GALNT1: variants seen among roughly 807,000 people sequenced by gnomAD.
GALNT1 encodes polypeptide N-acetylgalactosaminyltransferase 1, also known as GalNAc transferase 1.
In GALNT1, 17 loss-of-function variants were observed where a neutral mutation model predicts 65.7. That is an observed-to-expected ratio of 0.26 (90% CI 0.18 to 0.39). The LOEUF (loss-of-function observed/expected upper bound fraction) is 0.39, where lower values mean the gene tolerates loss of function less well. GALNT1 is among the 10% of genes least tolerant of loss of function. GALNT1 has a pLI of 1.00. For missense variants in GALNT1, 460 were observed against 672.8 expected (o/e 0.68, Z 3.50); for synonymous variants, 210 against 219.7 (o/e 0.96, Z 0.39).
At chr18:35,609,760 C>T (rs1372201708) in intron 1 of GALNT1, among the ~76,000 whole-genome samples, 1 of 152,238 alleles carries the variant, frequency 6.6e-6, no homozygotes, top group East Asian at 1.9e-4. Context: ...TGATTGTAAT[C>T]AACTGCCCAC....
intron 1 of GALNT1, among the ~76,000 whole-genome samples, chr18:35,645,357 C>A (rs915515896): frequency 6.6e-6 from 1 of 151,528 alleles, no homozygotes; most frequent in African/African-American, 2.4e-5. Context: ...AGCCTCCTTC[C>A]CAAGTAGCTG....
Position 35,703,631 on chromosome 18 carries a change from G to A in GALNT1, c.1521G>A (p.Glu507=). 1 of 1,613,950 alleles carries A rather than the reference G, an allele frequency of 6.2e-7. No individual in the cohort carries two copies. ...CHHLKGNQLW[E]YDPVKLTLQH... ...ACCTAAAAGGCAACCAACTCTGGGA[G>A]TATGACCCAGTGGTAAGTTATGCAG... is the stretch of plus-strand genomic sequence containing the variant. Residue 507 remains glutamate (E), a synonymous_variant, in exon 11 of 12, where the codon GAG becomes GAA. Transcript: ENST00000269195.
At chr18:35,656,065 ACTGT>A (rs2047380551) in intron 2 of GALNT1, among the ~76,000 whole-genome samples, 1 of 152,234 alleles carries the variant, frequency 6.6e-6, no homozygotes. Flanking sequence ...CTGTATTCAT[ACTGT>A]CTATGTTTAA....
At chr18:35,645,804 A>G (rs1299243755) in intron 1 of GALNT1, among the ~76,000 whole-genome samples, 1 of 152,146 alleles carries the variant, frequency 6.6e-6, no homozygotes, top group African/African-American at 2.4e-5. Context: ...CCTTATTTTA[A>G]CTGAAGCTTC....
At position 35,675,344 on chromosome 18, in the gene GALNT1, TATTA is replaced by T. The variant is rs200444444; in HGVS notation, c.315-2243_315-2240del. 6.8e-4 allele frequency among the ~76,000 whole-genome samples: 103 copies of T among 152,330 alleles called. 2 individuals are homozygous for T. In the East Asian group the frequency reaches 0.019, roughly 27 times the overall value. On this transcript the variant is annotated intron_variant, in intron 3 of 11. Coordinates refer to ENST00000269195, the MANE Select transcript of GALNT1 (RefSeq NM_020474.4). ...TGTTTCCTCATTTGCTTTGAGAGAA[TATTA>T]ATTTATGAATTTGTTATGGTCTCTG...
chr18:35,648,858 T>A (rs578170607), intron 1 of GALNT1, among the ~76,000 whole-genome samples: 1 of 152,348 alleles, frequency 6.6e-6, no homozygotes, highest in East Asian at 1.9e-4. Flanking sequence ...ATGTTTTCAT[T>A]GCCACAGATT....
At chr18:35,608,082 C>A (rs2144020913) in intron 1 of GALNT1, among the ~76,000 whole-genome samples, 1 of 152,120 alleles carries the variant, frequency 6.6e-6, no homozygotes, top group Admixed American at 6.5e-5. Context: ...AATATCAAAT[C>A]ATCTAGTAGC....
chr18:35,674,292 A>T (rs1438445337), intron 3 of GALNT1, among the ~76,000 whole-genome samples: 2 of 152,214 alleles, frequency 1.3e-5, no homozygotes, highest in African/African-American at 4.8e-5. Flanking sequence ...TAGTATGTTG[A>T]TGGTGGCTAC....
chr18:35,660,964 A>G (rs2047469668), intron 2 of GALNT1, among the ~76,000 whole-genome samples: 1 of 152,154 alleles, frequency 6.6e-6, no homozygotes, highest in Non-Finnish European at 1.5e-5. Flanking sequence ...AGATTTTCAG[A>G]TTAATAAATA....
At chr18:35,685,087 CT>C (rs2047846667) in intron 5 of GALNT1, among the ~76,000 whole-genome samples, 1 of 152,122 alleles carries the variant, frequency 6.6e-6, no homozygotes, top group East Asian at 1.9e-4. Context: ...ACGAACCAAA[CT>C]CTTTTTATGA....
intron 1 of GALNT1, among the ~76,000 whole-genome samples, chr18:35,602,472 C>T (rs570749782): frequency 6.6e-6 from 1 of 152,112 alleles, no homozygotes; most frequent in South Asian, 2.1e-4. Flanking sequence ...TTCTCAACTC[C>T]CAGTTGAACA....
intron 9 of GALNT1, among the ~76,000 whole-genome samples, chr18:35,701,519 A>C (rs934544133): frequency 6.6e-6 from 1 of 152,228 alleles, no homozygotes; most frequent in African/African-American, 2.4e-5. Flanking sequence ...TTTATGAGGG[A>C]ATAGGTTTCA....
chr18:35,608,056 GT>G (rs1169534760), intron 1 of GALNT1, among the ~76,000 whole-genome samples: 14 of 151,932 alleles, frequency 9.2e-5, no homozygotes, highest in Middle Eastern at 3.4e-3. Flanking sequence ...CTATACAGCA[GT>G]TTTTATATTT....
chr18:35,609,759 T>A (rs1040649363), intron 1 of GALNT1, among the ~76,000 whole-genome samples: 1 of 152,158 alleles, frequency 6.6e-6, no homozygotes, highest in Non-Finnish European at 1.5e-5. Context: ...TTGATTGTAA[T>A]CAACTGCCCA....
intron 1 of GALNT1, among the ~76,000 whole-genome samples, chr18:35,608,195 A>G (rs1263919016): frequency 6.6e-6 from 1 of 151,922 alleles, no homozygotes; most frequent in African/African-American, 2.4e-5. Context: ...TTTATTCCTA[A>G]AATTTTGTGG....
chr18:35,658,352 G>A (rs945649416), intron 2 of GALNT1, among the ~76,000 whole-genome samples: 10 of 152,194 alleles, frequency 6.6e-5, no homozygotes, highest in Admixed American at 1.3e-4. Context: ...ACCTCCAAGC[G>A]TGAGGGAAGG....
At chr18:35,627,039 T>C (rs1263562681) in intron 1 of GALNT1, among the ~76,000 whole-genome samples, 1 of 152,180 alleles carries the variant, frequency 6.6e-6, no homozygotes, top group Non-Finnish European at 1.5e-5. Context: ...TTGAATTCAG[T>C]TGGAGGTCAA....
At chr18:35,633,674 CCTCGAACCTAA>C (rs1180241513) in intron 1 of GALNT1, among the ~76,000 whole-genome samples, 1 of 152,058 alleles carries the variant, frequency 6.6e-6, no homozygotes, top group East Asian at 1.9e-4. Flanking sequence ...GCATGTGTAC[CCTCGAACCTAA>C]AAGTATTATA....
At chr18:35,700,502 A>G (rs994899777) in intron 9 of GALNT1, among the ~76,000 whole-genome samples, 1 of 152,162 alleles carries the variant, frequency 6.6e-6, no homozygotes, top group Admixed American at 6.5e-5. Context: ...TCTAACAGCT[A>G]ATGGGAAGCA....
Sources: gnomAD v4.1 joint callset for allele counts (sites outside exome capture counted in the v4.1 genomes callset) on GRCh38, gnomAD v4.1.1 for gene constraint, MANE v1.5 for transcripts, NCBI Gene and HGNC (gene_info 2026-07-23, HGNC 2026-07-21) for gene names.